Variants in ZBTB7C observed in about 807,000 individuals in gnomAD.
ZBTB7C encodes the protein zinc finger and BTB domain-containing protein 7C.
A neutral mutation model predicts 25.7 loss-of-function variants in ZBTB7C; 8 were observed. The observed-to-expected ratio is 0.31, with a 90% CI of 0.18 to 0.56. ZBTB7C has a LOEUF of 0.56. Among genes scored for constraint, ZBTB7C ranks in the 20% least tolerant of loss-of-function variants. The pLI, the probability that ZBTB7C is intolerant of heterozygous loss-of-function variation, is 0.91. For missense variants in ZBTB7C, 824 were observed against 855.2 expected (o/e 0.96, Z 0.46); for synonymous variants, 394 against 369.0 (o/e 1.07, Z -0.78).
In ZBTB7C at chr18:48,040,645, C is replaced by G. The variant is rs1418342025; in HGVS notation, c.463G>C (p.Glu155Gln). 4 of 1,613,404 alleles carry G rather than the reference C, an allele frequency of 2.5e-6. No individual in the cohort carries two copies. Among genetic ancestry groups the G allele is most frequent in the Non-Finnish European group, 2.5e-6 (3 of 1,179,670 alleles). ...DEDDDDEEDEEEEEEEEEDDD... is the reference protein window; with the variant it reads ...DEDDDDEEDEQEEEEEEEDDD... ...TCCTCCTCCTCTTCCTCCTCCTCCT[C>G]TTCGTCCTCCTCATCATCATCATCT... is the stretch of plus-strand genomic sequence containing the variant. The change falls in exon 4 of 5, where the codon GAG becomes CAG. Residue 155 changes from glutamate to glutamine, a missense_variant. By Grantham distance (29) the Glu-to-Gln change is conservative (BLOSUM62 2). Transcript: ENST00000590800.
At chr18:48,150,637 G>T (rs1358922766) in intron 3 of ZBTB7C, 1 of 151,672 alleles carries the variant, frequency 6.6e-6, no homozygotes, top group Non-Finnish European at 1.5e-5. Context: ...CAGAAGGTAG[G>T]ACCTGTTAAG....
At chr18:48,066,481 T>A (rs2037334711) in intron 3 of ZBTB7C, among the ~76,000 whole-genome samples, 1 of 152,116 alleles carries the variant, frequency 6.6e-6, no homozygotes, top group Non-Finnish European at 1.5e-5. Context: ...AGAGACCATA[T>A]CTGTAGATTA....
intron 3 of ZBTB7C, among the ~76,000 whole-genome samples, chr18:48,104,844 G>A (rs377362038): frequency 3.3e-5 from 5 of 152,186 alleles, no homozygotes; most frequent in Non-Finnish European, 2.9e-5. Context: ...CAGTGTGTGG[G>A]GCCATCGTGC....
chr18:48,166,119 T>C (rs894596241), intron 3 of ZBTB7C, among the ~76,000 whole-genome samples: 1 of 152,224 alleles, frequency 6.6e-6, no homozygotes, highest in Non-Finnish European at 1.5e-5. Flanking sequence ...TTAACCATTT[T>C]AAGGCGAAAT....
chr18:48,136,095 G>T (rs960819857), intron 3 of ZBTB7C, among the ~76,000 whole-genome samples: 1 of 152,180 alleles, frequency 6.6e-6, no homozygotes, highest in African/African-American at 2.4e-5. Context: ...GGGCAGGGGG[G>T]CGTGGGTGCT....
intron 3 of ZBTB7C, among the ~76,000 whole-genome samples, chr18:48,098,254 A>T (rs1434204664): frequency 6.6e-6 from 1 of 152,162 alleles, no homozygotes; most frequent in Non-Finnish European, 1.5e-5. Flanking sequence ...GGTGTGAGGG[A>T]GACGCCAGCA....
chr18:48,398,653 T>C (rs1943422082), intron 1 of ZBTB7C, among the ~76,000 whole-genome samples: 1 of 152,138 alleles, frequency 6.6e-6, no homozygotes, highest in African/African-American at 2.4e-5. Context: ...TCAAAGTCAC[T>C]GGCTTATCTC....
At chr18:48,379,090 C>T (rs1297077852) in intron 1 of ZBTB7C, among the ~76,000 whole-genome samples, 1 of 152,182 alleles carries the variant, frequency 6.6e-6, no homozygotes, top group African/African-American at 2.4e-5. Flanking sequence ...AGCATTCAAT[C>T]ATTACAGTAT....
chr18:48,258,880 C>T (rs1163666573), intron 2 of ZBTB7C, among the ~76,000 whole-genome samples: 1 of 152,178 alleles, frequency 6.6e-6, no homozygotes, highest in African/African-American at 2.4e-5. Flanking sequence ...TGGTCTGGAA[C>T]TCCTGACCTC....
intron 1 of ZBTB7C, chr18:48,374,399 C>G (rs1274808613): frequency 6.6e-6 from 1 of 152,264 alleles, no homozygotes; most frequent in East Asian, 1.9e-4. Flanking sequence ...CATCATCCCA[C>G]TGGGCTCTAG....
chr18:48,169,511 T>TA (rs2041392213), intron 3 of ZBTB7C, among the ~76,000 whole-genome samples: 1 of 152,122 alleles, frequency 6.6e-6, no homozygotes, highest in Non-Finnish European at 1.5e-5. Flanking sequence ...AAATAATAGT[T>TA]ACAGAATGAA....
At chr18:48,168,763 C>T (rs933817656) in intron 3 of ZBTB7C, among the ~76,000 whole-genome samples, 1 of 152,160 alleles carries the variant, frequency 6.6e-6, no homozygotes, top group Non-Finnish European at 1.5e-5. Context: ...TTTATATTTT[C>T]GTGGAAGTTG....
chr18:48,335,878 T>C (rs1268629421), intron 2 of ZBTB7C, among the ~76,000 whole-genome samples: 5 of 152,206 alleles, frequency 3.3e-5, no homozygotes, highest in Admixed American at 3.3e-4. Flanking sequence ...TTTCACTTGC[T>C]TATTGTTACT....
At chr18:48,215,307 C>A (rs538008066) in intron 2 of ZBTB7C, among the ~76,000 whole-genome samples, 2 of 152,278 alleles carry the variant, frequency 1.3e-5, no homozygotes, top group East Asian at 3.9e-4. Context: ...GTGAAATATT[C>A]AAAAATATTT....
intron 2 of ZBTB7C, among the ~76,000 whole-genome samples, chr18:48,284,212 T>C (rs1040382582): frequency 1.1e-4 from 16 of 152,208 alleles, no homozygotes; most frequent in African/African-American, 3.9e-4. Flanking sequence ...TCCAGCACTC[T>C]GGGAGGCCAA....
chr18:48,181,884 C>T (rs2041933872), intron 3 of ZBTB7C, among the ~76,000 whole-genome samples: 1 of 152,166 alleles, frequency 6.6e-6, no homozygotes, highest in Non-Finnish European at 1.5e-5. Flanking sequence ...GCCTTTATTG[C>T]TTATTCTGTT....
At chr18:48,166,899 G>C in intron 3 of ZBTB7C, among the ~76,000 whole-genome samples, 1 of 143,280 alleles carries the variant, frequency 7.0e-6, no homozygotes, top group Admixed American at 6.9e-5. Flanking sequence ...CTTACTGGCG[G>C]GGGGGAAGCT....
Position 48,370,745 on chromosome 18 carries a change from G to A in ZBTB7C, c.-303-32347C>T, listed in dbSNP as rs113749075. Among the ~76,000 whole-genome samples, 638 of 152,130 alleles carry A rather than the reference G, an allele frequency of 4.2e-3. 5 individuals are homozygous for A. Among genetic ancestry groups the A allele is most frequent in the African/African-American group, 0.014 (585 of 41,530 alleles). ...ACAAACTCACACACACACTGCCTAC[G>A]AAGGCCTTCAGCAGTCACCATATAA... On this transcript the variant is annotated intron_variant, in intron 1 of 4. Transcript: ENST00000590800.
At chr18:48,233,385 C>T (rs1051526825) in intron 2 of ZBTB7C, among the ~76,000 whole-genome samples, 2 of 152,104 alleles carry the variant, frequency 1.3e-5, no homozygotes, top group African/African-American at 2.4e-5. Flanking sequence ...CTGGTATTCT[C>T]TTACAGAAGC....
Sources: gnomAD v4.1 joint callset for allele counts (sites outside exome capture counted in the v4.1 genomes callset) on GRCh38, gnomAD v4.1.1 for gene constraint, MANE v1.5 for transcripts, NCBI Gene and HGNC (gene_info 2026-07-23, HGNC 2026-07-21) for gene names.